The following SLCO3A1 variants were observed in gnomAD, a reference collection of about 807,000 sequenced individuals.
SLCO3A1 encodes PGE1 transporter.
A neutral mutation model predicts 63.1 loss-of-function variants in SLCO3A1; 27 were observed. That is an observed-to-expected ratio of 0.43 (90% CI 0.32 to 0.59). The LOEUF is 0.59. Ranked by LOEUF, SLCO3A1 falls within the 20% of genes least tolerant of loss-of-function variation. SLCO3A1 has a pLI of 0.09. For synonymous variants in SLCO3A1, 473 were observed against 409.9 expected (o/e 1.15, Z -1.86); for missense variants, 773 against 945.8 (o/e 0.82, Z 2.40).
chr15:92,058,918 C>G (rs2047053592), intron 2 of SLCO3A1, among the ~76,000 whole-genome samples: 2 of 152,210 alleles, frequency 1.3e-5, no homozygotes. Context: ...GTGTCTTTCT[C>G]TCCTTTCTCT....
At chr15:92,126,341 G>C (rs575616724) in intron 6 of SLCO3A1, 82 bp downstream of exon 6, 1 of 1,209,522 alleles carries the variant, frequency 8.3e-7, no homozygotes, top group Non-Finnish European at 1.2e-6. Flanking sequence ...GAGGGAACCA[G>C]CTTTGTTCCT....
chr15:92,005,998 TG>T (rs1567062696), intron 2 of SLCO3A1, among the ~76,000 whole-genome samples: 1 of 152,130 alleles, frequency 6.6e-6, no homozygotes, highest in African/African-American at 2.4e-5. Context: ...ACGTCTTGTA[TG>T]TGAAAGGAGA....
chr15:92,093,198 C>T (rs2047497849), intron 2 of SLCO3A1, among the ~76,000 whole-genome samples: 1 of 152,110 alleles, frequency 6.6e-6, no homozygotes, highest in African/African-American at 2.4e-5. Context: ...TCGAGTGGCT[C>T]GGGGTTTTGC....
chr15:91,940,539 A>T (rs1597140419), intron 2 of SLCO3A1, among the ~76,000 whole-genome samples: 1 of 152,332 alleles, frequency 6.6e-6, no homozygotes, highest in East Asian at 1.9e-4. Flanking sequence ...ATTTCAAATC[A>T]GTGCTTAAAC....
intron 2 of SLCO3A1, among the ~76,000 whole-genome samples, chr15:91,993,335 A>G (rs1267283552): frequency 1.3e-5 from 2 of 152,242 alleles, no homozygotes; most frequent in African/African-American, 4.8e-5. Context: ...GTTACAGAGC[A>G]CTTTTGGTTT....
intron 4 of SLCO3A1, among the ~76,000 whole-genome samples, chr15:92,112,370 A>G (rs2047739543): frequency 6.6e-6 from 1 of 152,216 alleles, no homozygotes; most frequent in Non-Finnish European, 1.5e-5. Context: ...AAGCCTTAGC[A>G]TTGCCCTTCT....
At chr15:91,971,875 A>G (rs1900889011) in intron 2 of SLCO3A1, among the ~76,000 whole-genome samples, 2 of 152,156 alleles carry the variant, frequency 1.3e-5, no homozygotes, top group African/African-American at 4.8e-5. Context: ...TTTCTAGAAC[A>G]TAACTGCAGT....
chr15:91,873,561 C>CACAT (rs1897327880), intron 1 of SLCO3A1, among the ~76,000 whole-genome samples: 1 of 151,578 alleles, frequency 6.6e-6, no homozygotes, highest in Non-Finnish European at 1.5e-5. Context: ...CACACACACA[C>CACAT]ACACATACAT....
chr15:91,935,604 A>G (rs889355889), intron 2 of SLCO3A1, among the ~76,000 whole-genome samples: 1 of 152,200 alleles, frequency 6.6e-6, no homozygotes, highest in African/African-American at 2.4e-5. Context: ...GTAACGCCTC[A>G]GCTTTTTCCT....
At chr15:92,141,866 C>T (rs2048137259) in intron 7 of SLCO3A1, among the ~76,000 whole-genome samples, 1 of 152,188 alleles carries the variant, frequency 6.6e-6, no homozygotes, top group Non-Finnish European at 1.5e-5. Flanking sequence ...GCTTCCTACC[C>T]CTTGCCATCT....
intron 2 of SLCO3A1, among the ~76,000 whole-genome samples, chr15:92,071,221 G>A (rs1333769030): frequency 6.6e-6 from 1 of 152,170 alleles, no homozygotes; most frequent in Non-Finnish European, 1.5e-5. Flanking sequence ...TTGAGGAGCG[G>A]TTGGGTGCTG....
intron 4 of SLCO3A1, among the ~76,000 whole-genome samples, chr15:92,105,621 T>G (rs1409283214): frequency 6.6e-6 from 1 of 152,180 alleles, no homozygotes. Context: ...GCTCGGCGAC[T>G]ATCAGGCGAG....
chr15:92,127,562 C>T (rs1325974407), intron 6 of SLCO3A1, among the ~76,000 whole-genome samples: 1 of 152,132 alleles, frequency 6.6e-6, no homozygotes, highest in Non-Finnish European at 1.5e-5. Context: ...GCCATCGTCA[C>T]CTTTATTATT....
intron 2 of SLCO3A1, among the ~76,000 whole-genome samples, chr15:92,031,735 C>G (rs1368016047): frequency 2.0e-5 from 3 of 152,162 alleles, no homozygotes; most frequent in Non-Finnish European, 4.4e-5. Flanking sequence ...GCATACAATG[C>G]ATAATAATCA....
At chr15:91,899,166 A>G (rs1473196824) in intron 1 of SLCO3A1, among the ~76,000 whole-genome samples, 3 of 152,218 alleles carry the variant, frequency 2.0e-5, no homozygotes, top group Non-Finnish European at 2.9e-5. Flanking sequence ...GGAACTCTGG[A>G]CAGCACTTGA....
rs549062609 is a variant in SLCO3A1, at chr15:92,020,023, A to G, written c.647-74858A>G. Among the ~76,000 whole-genome samples the G allele has an allele frequency of 9.8e-5, 15 of 152,304 alleles. No homozygotes were observed. The South Asian group carries it at 2.7e-3, about 27-fold the overall frequency. ...CAGAGCCCTGAGAGAGGGCGCTTCC[A>G]AAGAACTGCTGCCTGTTGACCATTC... On this transcript the variant is annotated intron_variant, in intron 2 of 9. Coordinates refer to ENST00000318445, the MANE Select transcript of SLCO3A1 (RefSeq NM_013272.4).
intron 4 of SLCO3A1, among the ~76,000 whole-genome samples, chr15:92,106,085 A>G (rs1009693228): frequency 1.3e-5 from 2 of 152,248 alleles, no homozygotes; most frequent in African/African-American, 4.8e-5. Context: ...CTCAAGAATG[A>G]AAGCACTGCT....
intron 1 of SLCO3A1, among the ~76,000 whole-genome samples, chr15:91,881,812 G>C (rs1481643296): frequency 6.6e-6 from 1 of 152,132 alleles, no homozygotes; most frequent in Non-Finnish European, 1.5e-5. Context: ...TTAGGAGATG[G>C]TTTTCTTAGC....
At chr15:91,985,460 C>T (rs2046039961) in intron 2 of SLCO3A1, among the ~76,000 whole-genome samples, 1 of 152,124 alleles carries the variant, frequency 6.6e-6, no homozygotes, top group South Asian at 2.1e-4. Context: ...AACATATGCC[C>T]ACATTTATGT....
Sources: gnomAD v4.1 joint callset for allele counts (sites outside exome capture counted in the v4.1 genomes callset) on GRCh38, gnomAD v4.1.1 for gene constraint, MANE v1.5 for transcripts, NCBI Gene and HGNC (gene_info 2026-07-23, HGNC 2026-07-21) for gene names.